Variants in CLDN14 observed in about 807,000 individuals in gnomAD.
The protein encoded by CLDN14 is claudin 14, also known as claudin-14.
In CLDN14, 2 loss-of-function variants were observed where a neutral mutation model predicts 2.1. That is an observed-to-expected ratio of 0.96 (90% CI 0.39 to 3.01). CLDN14 has a LOEUF of 3.01. CLDN14 is among the 30% of genes most tolerant of loss of function. The probability of loss-of-function intolerance (pLI) is 0.09; values close to 1 mark genes in which losing one functional copy is unlikely to be tolerated. For synonymous variants in CLDN14, 136 were observed against 154.4 expected (o/e 0.88, Z 0.88); for missense variants, 298 against 328.0 (o/e 0.91, Z 0.71).
Position 36,551,748 on chromosome 21 carries a change from C to T in CLDN14, c.-220+24663G>A, listed in dbSNP as rs763802847. ...ATCACAGCAGGGGGACAAATTTTCA[C>T]GTGAAAAGAACAATCACATCAAGCA... On this transcript the variant is annotated intron_variant, in intron 1 of 2. Transcript: ENST00000342108. This position sits in a 1 kb window ranked among gnomAD's most constrained non-coding sequence, Gnocchi z 4.8. Among the ~76,000 whole-genome samples the T allele has an allele frequency of 5.4e-4, 82 of 152,236 alleles. No homozygotes were observed. Among genetic ancestry groups the T allele is most frequent in the Non-Finnish European group, 9.4e-4 (64 of 68,030 alleles).
Position 36,504,089 on chromosome 21 carries a change from A to T in CLDN14, c.-82+6274T>A, listed in dbSNP as rs551327123. The stretch of plus-strand genomic sequence containing the variant: ...TGTGGTGGCTCATGCTTGTAATACC[A>T]GCACTTTGGGAGGCCAAAGTGGGAG... On this transcript the variant is annotated intron_variant, in intron 2 of 2. Coordinates refer to the CLDN14 transcript ENST00000342108. Among the ~76,000 whole-genome samples the T allele has an allele frequency of 7.6e-4, 114 of 150,722 alleles. 1 individual carries two copies. Among genetic ancestry groups the T allele is most frequent in the Middle Eastern group, 6.8e-3 (2 of 294 alleles).
intron 2 of CLDN14, among the ~76,000 whole-genome samples, chr21:36,489,196 G>A (rs1568855595): frequency 1.6e-5 from 2 of 121,544 alleles, no homozygotes; most frequent in African/African-American, 7.2e-5. Context: ...GGGGGCGGGA[G>A]AGAGAGAGAG....
At chr21:36,464,081 G>A (rs1349793352) in intron 1 of CLDN14, among the ~76,000 whole-genome samples, 1 of 152,134 alleles carries the variant, frequency 6.6e-6, no homozygotes, top group East Asian at 1.9e-4. Flanking sequence ...AATGAATCAC[G>A]GGGGTGGACC....
chr21:36,502,341 G>A (rs1288356352), intron 2 of CLDN14, among the ~76,000 whole-genome samples: 1 of 152,164 alleles, frequency 6.6e-6, no homozygotes, highest in East Asian at 1.9e-4. Context: ...TGCCTGTTGA[G>A]GTCTGATGTG....
chr21:36,568,044 C>T (rs1284684136), intron 1 of CLDN14, among the ~76,000 whole-genome samples: 1 of 151,994 alleles, frequency 6.6e-6, no homozygotes, highest in African/African-American at 2.4e-5. Context: ...AGAAAGGCAA[C>T]CGGGAATGGT....
upstream of CLDN14, among the ~76,000 whole-genome samples, chr21:36,483,972 G>C (rs956391383): frequency 6.6e-6 from 1 of 152,180 alleles, no homozygotes; most frequent in Non-Finnish European, 1.5e-5. Context: ...AAGGAGCCAA[G>C]GGGGACAGGG....
rs141557928 is a variant in CLDN14, at chr21:36,556,902, A to T, written c.-220+19509T>A. Among the ~76,000 whole-genome samples the T allele has an allele frequency of 2.0e-4, 31 of 152,342 alleles. No homozygotes were observed. In the East Asian group the frequency reaches 5.4e-3, roughly 27 times the overall value. ...TGTACAGCATCTCTAGAACTTAATC[A>T]TCTTGCATAATTGTAACTTCATACC... On this transcript the variant is annotated intron_variant, in intron 1 of 2. Transcript: ENST00000342108.
intron 1 of CLDN14, among the ~76,000 whole-genome samples, chr21:36,471,445 GT>G (rs2086709463): frequency 6.6e-6 from 1 of 152,226 alleles, no homozygotes; most frequent in Non-Finnish European, 1.5e-5. Flanking sequence ...CTCACAGAGA[GT>G]TTGGGGGGGC....
chr21:36,493,097 C>G (rs2086984745), intron 2 of CLDN14, among the ~76,000 whole-genome samples: 1 of 152,170 alleles, frequency 6.6e-6, no homozygotes, highest in African/African-American at 2.4e-5. Flanking sequence ...TACTGTTGAG[C>G]ACGTGTTTTG....
intron 1 of CLDN14, among the ~76,000 whole-genome samples, chr21:36,550,306 C>T (rs1246386513): frequency 6.6e-6 from 1 of 152,266 alleles, no homozygotes; most frequent in East Asian, 1.9e-4. Context: ...AGACATGCAG[C>T]GGGTCTTGGG....
upstream of CLDN14, among the ~76,000 whole-genome samples, chr21:36,485,059 A>G (rs1442352953): frequency 6.6e-6 from 1 of 151,382 alleles, no homozygotes; most frequent in African/African-American, 2.4e-5. Context: ...TGACATCCAC[A>G]AAGTCTCTGT....
intron 1 of CLDN14, among the ~76,000 whole-genome samples, chr21:36,570,521 T>A (rs888871808): frequency 5.9e-5 from 9 of 152,184 alleles, no homozygotes; most frequent in Non-Finnish European, 1.3e-4. Flanking sequence ...CAAGTCAATC[T>A]TAAGATCTAA....
intron 1 of CLDN14, among the ~76,000 whole-genome samples, chr21:36,539,310 CAG>C (rs2054681989): frequency 6.6e-6 from 1 of 151,720 alleles, no homozygotes; most frequent in South Asian, 2.1e-4. Context: ...GGTGTGTGTG[CAG>C]AGTGAGTGCG....
At chr21:36,557,450 C>T (rs1176405382) in intron 1 of CLDN14, among the ~76,000 whole-genome samples, 1 of 151,908 alleles carries the variant, frequency 6.6e-6, no homozygotes, top group Non-Finnish European at 1.5e-5. Flanking sequence ...TCCTTGCCAA[C>T]TCTTATCTTA....
At chr21:36,493,570 G>T (rs1446077760) in intron 2 of CLDN14, among the ~76,000 whole-genome samples, 1 of 152,128 alleles carries the variant, frequency 6.6e-6, no homozygotes, top group African/African-American at 2.4e-5. Context: ...CAGCTTCAAG[G>T]AGCAAGGGAA....
intron 1 of CLDN14, among the ~76,000 whole-genome samples, chr21:36,560,419 T>A (rs958707321): frequency 3.9e-5 from 6 of 152,226 alleles, no homozygotes; most frequent in African/African-American, 1.4e-4. Context: ...CTAAAGGACC[T>A]ATATAACAGA....
chr21:36,511,882 A>G (rs929203548), intron 1 of CLDN14, among the ~76,000 whole-genome samples: 2 of 152,168 alleles, frequency 1.3e-5, no homozygotes, highest in Non-Finnish European at 2.9e-5. Flanking sequence ...TCTCCCCACC[A>G]AAGGGTCTAG....
rs999860552 is a variant in CLDN14 at position 36,498,096 on chromosome 21, G to A, written c.-82+12267C>T. ...CTCACTGCAACCTCCACCGCCCGGG[G>A]TTCAAGCGATTCTCCTGTCTCAGCC... On this transcript the variant is annotated intron_variant, in intron 2 of 2. Coordinates refer to the CLDN14 transcript ENST00000342108. The surrounding 1 kb of genome is among the most constrained non-coding windows in gnomAD (Gnocchi z 4.9). Among the ~76,000 whole-genome samples the A allele has an allele frequency of 6.6e-6, 1 of 152,062 alleles. No individual in the cohort carries two copies. The highest frequency in any genetic ancestry group is 1.5e-5 in the Non-Finnish European group (1 of 68,014).
chr21:36,481,537 G>T (rs201012704), upstream of CLDN14, among the ~76,000 whole-genome samples: 1 of 152,148 alleles, frequency 6.6e-6, no homozygotes, highest in Non-Finnish European at 1.5e-5. Context: ...AGGAAACCCC[G>T]CAGAGAGAAA....
Sources: allele counts gnomAD v4.1 joint callset (sites outside exome capture counted in the v4.1 genomes callset), GRCh38; gene constraint gnomAD v4.1.1; non-coding constraint Gnocchi (gnomAD v3.1); transcripts MANE v1.5; gene names NCBI Gene and HGNC (gene_info 2026-07-23, HGNC 2026-07-21).